Variants in SERPINB5 observed in about 807,000 individuals in gnomAD.
SERPINB5 encodes the protein serpin family B member 5, also known as serpin B5.
A neutral mutation model predicts 32.2 loss-of-function variants in SERPINB5; 27 were observed. The ratio of observed to expected loss-of-function variants is 0.84; its 90% CI spans 0.62 to 1.16. SERPINB5 has a LOEUF of 1.16. Ranked by LOEUF, SERPINB5 falls within the 50% of genes most tolerant of loss-of-function variation. SERPINB5 has a pLI of 0.00. For missense variants in SERPINB5, 388 were observed against 436.3 expected (o/e 0.89, Z 0.99); for synonymous variants, 154 against 157.4 (o/e 0.98, Z 0.16).
intron 2 of SERPINB5, chr18:63,485,746 C>T (rs1312953504): frequency 6.6e-6 from 1 of 152,538 alleles, no homozygotes; most frequent in African/African-American, 2.4e-5. Flanking sequence ...GTTACCTGGG[C>T]TCTTAAATTT....
At chr18:63,489,145 A>G (rs1001119500) in intron 3 of SERPINB5, among the ~76,000 whole-genome samples, 4 of 152,210 alleles carry the variant, frequency 2.6e-5, no homozygotes, top group Non-Finnish European at 5.9e-5. Context: ...TAATAATTGA[A>G]ATTGTCTTAT....
chr18:63,489,740 G>C (rs1230436438), intron 4 of SERPINB5, among the ~76,000 whole-genome samples: 1 of 152,176 alleles, frequency 6.6e-6, no homozygotes, highest in Non-Finnish European at 1.5e-5. Context: ...TGGAATCCTA[G>C]CTGCGCCTCT....
At chr18:63,490,877 A>G (rs1234600748) in intron 4 of SERPINB5, 2 of 152,206 alleles carry the variant, frequency 1.3e-5, no homozygotes, top group African/African-American at 4.8e-5. Flanking sequence ...TTTTGGTTAC[A>G]TGGATAAGCT....
intron 1 of SERPINB5, among the ~76,000 whole-genome samples, chr18:63,481,334 A>C (rs934420408): frequency 6.6e-6 from 1 of 152,236 alleles, no homozygotes; most frequent in Non-Finnish European, 1.5e-5. Flanking sequence ...TTTGCAGCCA[A>C]ACTCCCTCAG....
At chr18:63,495,536 A>C (rs1282149818) in intron 5 of SERPINB5, among the ~76,000 whole-genome samples, 2 of 152,212 alleles carry the variant, frequency 1.3e-5, no homozygotes, top group African/African-American at 4.8e-5. Context: ...GCCTCTCTTC[A>C]AGACCCCAGA....
chr18:63,496,530 T>C (rs1000046856), intron 5 of SERPINB5, among the ~76,000 whole-genome samples: 2 of 152,186 alleles, frequency 1.3e-5, no homozygotes, highest in Non-Finnish European at 2.9e-5. Flanking sequence ...CTAGATAATA[T>C]TTCTAACACT....
At chr18:63,487,157 A>G in intron 3 of SERPINB5, 74 bp downstream of exon 3, 1 of 1,414,158 alleles carries the variant, frequency 7.1e-7, no homozygotes, top group Non-Finnish European at 9.6e-7. Flanking sequence ...TAGACCTACA[A>G]CTTTTTTTCA....
Position 63,487,029 on chromosome 18 carries a change from C to T in SERPINB5, c.252C>T (p.Tyr84=). 1 of 1,614,034 alleles carries T rather than the reference C, an allele frequency of 6.2e-7. No individual in the cohort carries two copies. Among genetic ancestry groups the T allele is most frequent in the South Asian group, 1.1e-5 (1 of 91,074 alleles). Residue 84 remains tyrosine (Y), a synonymous_variant, in exon 3 of 7, where the codon TAC becomes TAT. Coordinates refer to ENST00000382771, the MANE Select transcript of SERPINB5 (RefSeq NM_002639.5). The part of the protein sequence containing the change: ...TSDVNKLSSF[Y]SLKLIKRLYV... Reference sequence around the variant, plus strand: ...ATGTAAACAAACTTAGTTCCTTTTACTCACTGAAACTAATCAAGCGGCTCT... The same window carrying T: ...ATGTAAACAAACTTAGTTCCTTTTATTCACTGAAACTAATCAAGCGGCTCT...
At chr18:63,482,306 G>A (rs563668008) in intron 1 of SERPINB5, among the ~76,000 whole-genome samples, 1 of 152,246 alleles carries the variant, frequency 6.6e-6, no homozygotes, top group East Asian at 1.9e-4. Context: ...ACACGTTTGG[G>A]TACTGGCCAA....
chr18:63,503,745 C>T lies in SERPINB5; in HGVS notation c.*23C>T. On this transcript the variant is annotated 3_prime_UTR_variant, in exon 7 of 7. Transcript: ENST00000382771. ...TAAGTGGCATAGCCCATGTTAAGTC[C>T]TCCCTGACTTTTCTGTGGATGCCGA... is the stretch of plus-strand genomic sequence containing the variant. 5.0e-6 allele frequency: 8 copies of T among 1,605,366 alleles called. No homozygotes were observed. The highest frequency in any genetic ancestry group is 6.8e-6 in the Non-Finnish European group (8 of 1,177,164).
At chr18:63,484,001 C>G (rs970814678) in intron 1 of SERPINB5, among the ~76,000 whole-genome samples, 6 of 152,232 alleles carry the variant, frequency 3.9e-5, no homozygotes, top group African/African-American at 1.4e-4. Context: ...TGCAAAACTG[C>G]TGCAATTCGA....
chr18:63,494,283 C>G (rs937945871), intron 5 of SERPINB5, among the ~76,000 whole-genome samples: 2 of 133,330 alleles, frequency 1.5e-5, no homozygotes, highest in Non-Finnish European at 3.1e-5. Flanking sequence ...GATTGTGCCA[C>G]TGCACTCCAG....
intron 3 of SERPINB5, among the ~76,000 whole-genome samples, chr18:63,487,760 A>C (rs3786330): frequency 0.11 from 15,991 of 152,184 alleles, 1,050 homozygotes; most frequent in Non-Finnish European, 0.13. Flanking sequence ...AGACTACATG[A>C]AGTTTCCCTC....
At chr18:63,487,155 C>T (rs2271254) in intron 3 of SERPINB5, 72 bp downstream of exon 3, 623,335 of 1,442,932 alleles carry the variant, frequency 0.43, 145,062 homozygotes, top group Non-Finnish European at 0.49. Context: ...GTTAGACCTA[C>T]AACTTTTTTT....
intron 1 of SERPINB5, among the ~76,000 whole-genome samples, chr18:63,484,165 T>C (rs1320523157): frequency 6.6e-6 from 1 of 152,200 alleles, no homozygotes; most frequent in East Asian, 1.9e-4. Flanking sequence ...CTCCCGACAA[T>C]GGCCACTGTG....
At position 63,498,879 on chromosome 18, in the gene SERPINB5, A is replaced by G. The variant is rs1385644617; in HGVS notation, c.568-241A>G. On this transcript the variant is annotated intron_variant, in intron 5 of 6. Coordinates refer to ENST00000382771, the MANE Select transcript of SERPINB5 (RefSeq NM_002639.5). This position sits in a 1 kb window ranked among gnomAD's most constrained non-coding sequence, Gnocchi z 4.2. ...TAAGTGTGTATATATAGGTGTGTGTATATGTATATGTATGTATATGTATGT... is the reference window on the plus strand; with the variant it reads ...TAAGTGTGTATATATAGGTGTGTGTGTATGTATATGTATGTATATGTATGT... Among the ~76,000 whole-genome samples, 1 of 150,454 alleles carries G rather than the reference A, an allele frequency of 6.6e-6. No homozygotes were observed. Among genetic ancestry groups the G allele is most frequent in the East Asian group, 1.9e-4 (1 of 5,146 alleles).
rs1909609440 is a variant in SERPINB5 at position 63,503,380 on chromosome 18, C to A, written c.786C>A (p.Ser262Arg). The A allele has an allele frequency of 5.0e-6, 8 of 1,614,088 alleles. No individual in the cohort carries two copies. Among genetic ancestry groups the A allele is most frequent in the Admixed American group, 3.3e-5 (2 of 60,014 alleles). Residue 262 changes from serine to arginine, a missense_variant, in exon 7 of 7, where the codon AGC (serine) becomes AGA (arginine). Ser to Arg is a moderately radical substitution (Grantham distance 110, BLOSUM62 -1). Coordinates refer to ENST00000382771, the MANE Select transcript of SERPINB5 (RefSeq NM_002639.5). ...SESLSQWTNP[S>R]TMANAKVKLS... is the part of the protein sequence containing the mutation. Reference sequence around the variant, plus strand: ...CACTGTCACAGTGGACTAATCCCAGCACCATGGCCAATGCCAAGGTCAAAC... The same window carrying A: ...CACTGTCACAGTGGACTAATCCCAGAACCATGGCCAATGCCAAGGTCAAAC...
intron 1 of SERPINB5, among the ~76,000 whole-genome samples, chr18:63,481,875 C>T (rs950461478): frequency 1.3e-5 from 2 of 152,158 alleles, no homozygotes; most frequent in African/African-American, 4.8e-5. Flanking sequence ...CCTGTAGGCC[C>T]TTGCCCCTGC....
chr18:63,494,003 T>C (rs1047797805), intron 5 of SERPINB5, among the ~76,000 whole-genome samples: 1 of 152,118 alleles, frequency 6.6e-6, no homozygotes, highest in Non-Finnish European at 1.5e-5. Context: ...GCCAGTCTCA[T>C]TGATACTGTT....
Sources: allele counts gnomAD v4.1 joint callset (sites outside exome capture counted in the v4.1 genomes callset), GRCh38; gene constraint gnomAD v4.1.1; non-coding constraint Gnocchi (gnomAD v3.1); transcripts MANE v1.5; gene names NCBI Gene and HGNC (gene_info 2026-07-23, HGNC 2026-07-21).